BCL2L13: variants seen among roughly 807,000 people sequenced by gnomAD.
BCL2L13 encodes the protein bcl-2-like protein 13.
BCL2L13 carries 13 observed loss-of-function variants against 25.8 expected under a neutral mutation model. That is an observed-to-expected ratio of 0.50 (90% CI 0.33 to 0.80). The LOEUF (loss-of-function observed/expected upper bound fraction) is 0.80. Ranked by LOEUF, BCL2L13 falls within the 30% of genes least tolerant of loss-of-function variation. The pLI is 0.02. For missense variants in BCL2L13, 504 were observed against 574.9 expected (o/e 0.88, Z 1.26); for synonymous variants, 244 against 230.3 (o/e 1.06, Z -0.54).
intron 1 of BCL2L13, among the ~76,000 whole-genome samples, chr22:17,641,328 A>G (rs1006348616): frequency 2.0e-5 from 3 of 152,176 alleles, no homozygotes; most frequent in African/African-American, 4.8e-5. Flanking sequence ...AATGTTCACC[A>G]AGAGTTCTTG....
In BCL2L13 at chr22:17,657,823, C is replaced by CTTT. The variant is rs71201859; in HGVS notation, c.121+2010_121+2012dup. 2.4e-3 allele frequency among the ~76,000 whole-genome samples: 208 copies of CTTT among 85,738 alleles called. 7 individuals are homozygous for CTTT. The highest frequency in any genetic ancestry group is 6.8e-3 in the African/African-American group (153 of 22,530). The allele number at this position is 85,738 out of a possible 152,430, so 56.2% of individuals were successfully genotyped here. On this transcript the variant is annotated intron_variant, in intron 2 of 6. Transcript: ENST00000317582. The stretch of plus-strand genomic sequence containing the variant: ...GAGCCACCACACCTGGTTGACATTT[C>CTTT]TTTTTTTTTTTTTTTTTTTTTGAGA...
chr22:17,671,261 G>T (rs113971972), intron 2 of BCL2L13, among the ~76,000 whole-genome samples: 1 of 152,028 alleles, frequency 6.6e-6, no homozygotes, highest in Non-Finnish European at 1.5e-5. Context: ...GGGTGTGATG[G>T]TGGGTGCCTG....
Position 17,665,325 on chromosome 22 carries a change from C to T in BCL2L13, c.121+9493C>T, listed in dbSNP as rs141823578. 7.9e-5 allele frequency among the ~76,000 whole-genome samples: 12 copies of T among 152,264 alleles called. No individual in the cohort carries two copies. In the East Asian group the frequency reaches 1.9e-3, roughly 24 times the overall value. On this transcript the variant is annotated intron_variant, in intron 2 of 6. Coordinates refer to ENST00000317582, the MANE Select transcript of BCL2L13 (RefSeq NM_015367.4). ...GAGACCACCTCAACTTGGACTTTAT[C>T]GCCCATATCACTGTCAGCATTTTGG...
chr22:17,701,513 TTAAAG>T (rs2060433984), intron 5 of BCL2L13, among the ~76,000 whole-genome samples: 1 of 152,240 alleles, frequency 6.6e-6, no homozygotes, highest in African/African-American at 2.4e-5. Flanking sequence ...CTTTTTTCAC[TTAAAG>T]TAAATTGTGG....
chr22:17,669,063 C>T (rs1212122457), intron 2 of BCL2L13, among the ~76,000 whole-genome samples: 4 of 128,718 alleles, frequency 3.1e-5, no homozygotes, highest in African/African-American at 8.7e-5. Flanking sequence ...GACGGAGTCT[C>T]GCTCTGTCGC....
intron 1 of BCL2L13, among the ~76,000 whole-genome samples, chr22:17,630,974 G>T (rs986982020): frequency 6.6e-6 from 1 of 151,950 alleles, no homozygotes; most frequent in South Asian, 2.1e-4. Context: ...ACCTGGATTG[G>T]ATCCAGGGTC....
At chr22:17,679,288 T>TTTG (rs869174569) in intron 2 of BCL2L13, among the ~76,000 whole-genome samples, 5 of 71,238 alleles carry the variant, frequency 7.0e-5, no homozygotes, top group African/African-American at 2.5e-4. Context: ...TTTTTTTTTT[T>TTTG]GAGACAGTTT....
intron 2 of BCL2L13, among the ~76,000 whole-genome samples, chr22:17,658,744 T>C (rs987231121): frequency 2.1e-5 from 3 of 145,664 alleles, no homozygotes; most frequent in Non-Finnish European, 4.5e-5. Context: ...ATAATAAAGA[T>C]AACTATAATG....
chr22:17,704,498 G>A (rs2060532113), intron 6 of BCL2L13, among the ~76,000 whole-genome samples: 1 of 151,888 alleles, frequency 6.6e-6, no homozygotes, highest in African/African-American at 2.4e-5. Context: ...ATATTAGGCC[G>A]GGTGCAGTGG....
intron 5 of BCL2L13, among the ~76,000 whole-genome samples, chr22:17,697,678 G>A (rs956578114): frequency 5.3e-5 from 8 of 152,070 alleles, no homozygotes; most frequent in Non-Finnish European, 1.2e-4. Flanking sequence ...TTTAACACAT[G>A]GGACCTTATT....
At position 17,677,263 on chromosome 22, in the gene BCL2L13, T is replaced by C. The variant is rs567401331; in HGVS notation, c.122-5951T>C. On this transcript the variant is annotated intron_variant, in intron 2 of 6. Transcript: ENST00000317582. Reference sequence around the variant, plus strand: ...TTAAAGCCATGTTATTTTTGTCAGCTTTAAAAGTAGAAAATGAATCAGAAT... The same window carrying C: ...TTAAAGCCATGTTATTTTTGTCAGCCTTAAAAGTAGAAAATGAATCAGAAT... Among the ~76,000 whole-genome samples, 13 of 152,356 alleles carry C rather than the reference T, an allele frequency of 8.5e-5. No homozygotes were observed. The South Asian group carries it at 2.7e-3, about 32-fold the overall frequency.
At chr22:17,694,106 G>A (rs1601691096) in intron 4 of BCL2L13, among the ~76,000 whole-genome samples, 2 of 152,136 alleles carry the variant, frequency 1.3e-5, no homozygotes, top group South Asian at 4.2e-4. Context: ...AGGAGGGAAG[G>A]TAAATTTTTA....
At chr22:17,651,162 G>A (rs2058671084) in intron 1 of BCL2L13, among the ~76,000 whole-genome samples, 1 of 151,706 alleles carries the variant, frequency 6.6e-6, no homozygotes, top group Non-Finnish European at 1.5e-5. Context: ...ACCATGCCCA[G>A]CTAATTTTTG....
chr22:17,672,840 T>A (rs2059456291), intron 2 of BCL2L13, among the ~76,000 whole-genome samples: 1 of 152,168 alleles, frequency 6.6e-6, no homozygotes, highest in African/African-American at 2.4e-5. Flanking sequence ...TCATTTGCTT[T>A]GTGGGATGGT....
At chr22:17,692,184 A>G (rs2060125793) in intron 4 of BCL2L13, among the ~76,000 whole-genome samples, 1 of 152,242 alleles carries the variant, frequency 6.6e-6, no homozygotes, top group African/African-American at 2.4e-5. Flanking sequence ...TCAAAAAGGT[A>G]TCCTGCCCCG....
intron 1 of BCL2L13, among the ~76,000 whole-genome samples, chr22:17,639,733 CAAA>C (rs2058201467): frequency 6.6e-6 from 1 of 152,124 alleles, no homozygotes; most frequent in South Asian, 2.1e-4. Flanking sequence ...TAAAACAAAA[CAAA>C]AACTTCTTTG....
rs1980419379 is a variant in BCL2L13, at chr22:17,631,489, C to T, written c.-650+2484C>T. On this transcript the variant is annotated intron_variant, in intron 1 of 6. Transcript: ENST00000399782. Reference sequence around the variant, plus strand: ...GTGTGATATTGTGTCCTCTTTGCAACACATCAGAAAGTACATGATGTCCGT... The same window carrying T: ...GTGTGATATTGTGTCCTCTTTGCAATACATCAGAAAGTACATGATGTCCGT... 2.0e-5 allele frequency among the ~76,000 whole-genome samples: 3 copies of T among 151,308 alleles called. No homozygotes were observed. The South Asian group carries it at 6.3e-4, about 32-fold the overall frequency.
intron 2 of BCL2L13, among the ~76,000 whole-genome samples, chr22:17,670,954 T>C (rs1320827434): frequency 3.3e-5 from 5 of 152,138 alleles, no homozygotes; most frequent in Non-Finnish European, 7.4e-5. Flanking sequence ...CTGTCTGGAA[T>C]TTGGTTGTTT....
At chr22:17,649,126 G>A (rs2058591647) in intron 1 of BCL2L13, among the ~76,000 whole-genome samples, 1 of 151,798 alleles carries the variant, frequency 6.6e-6, no homozygotes, top group East Asian at 1.9e-4. Flanking sequence ...GGGAGACGGA[G>A]TCTAGCTCTG....
Sources: allele counts gnomAD v4.1 joint callset (sites outside exome capture counted in the v4.1 genomes callset), GRCh38; gene constraint gnomAD v4.1.1; transcripts MANE v1.5; gene names NCBI Gene and HGNC (gene_info 2026-07-23, HGNC 2026-07-21).